DDIT4: variants seen among roughly 807,000 people sequenced by gnomAD.
DDIT4 encodes the protein DNA damage-inducible transcript 4 protein.
A neutral mutation model predicts 20.2 loss-of-function variants in DDIT4; 20 were observed. That is an observed-to-expected ratio of 0.99 (90% CI 0.70 to 1.44). The LOEUF (loss-of-function observed/expected upper bound fraction) is 1.44, where lower values mean the gene tolerates loss of function less well. Ranked by LOEUF, DDIT4 falls within the 40% of genes most tolerant of loss-of-function variation. The probability of loss-of-function intolerance (pLI) is 0.00; values close to 1 mark genes in which losing one functional copy is unlikely to be tolerated. For synonymous variants in DDIT4, 152 were observed against 144.6 expected (o/e 1.05, Z -0.37); for missense variants, 316 against 298.1 (o/e 1.06, Z -0.44).
At position 72,275,044 on chromosome 10, in the gene DDIT4, C is replaced by T; in HGVS notation, c.555C>T (p.Leu185=). 1.2e-6 allele frequency: 2 copies of T among 1,613,642 alleles called. No individual in the cohort carries two copies. The highest frequency in any genetic ancestry group is 1.7e-6 in the Non-Finnish European group (2 of 1,180,012). Reference sequence around the variant, plus strand: ...TCGTGCTGCGCCTGGACTCACGACTCTGGCCCAAGATCCAGGGGCTGTTTA... The same window carrying T: ...TCGTGCTGCGCCTGGACTCACGACTTTGGCCCAAGATCCAGGGGCTGTTTA... ...LTLVLRLDSR[L]WPKIQGLFSS... is the part of the protein sequence containing the mutation. Residue 185 remains leucine (L), a synonymous_variant, in exon 3 of 3, where the codon CTC becomes CTT. Transcript: ENST00000307365.
In DDIT4 at chr10:72,274,879, A is replaced by G. The variant is rs1860808758; in HGVS notation, c.390A>G (p.Glu130=). 4 of 1,613,292 alleles carry G rather than the reference A, an allele frequency of 2.5e-6. No homozygotes were observed. The highest frequency in any genetic ancestry group is 2.5e-6 in the Non-Finnish European group (3 of 1,179,972). The change falls in exon 3 of 3, where the codon GAA becomes GAG. Residue 130 remains glutamate, a synonymous_variant. Transcript: ENST00000307365. ...AGTTGGTAAGCCAGGTGGGCAAAGA[A>G]CTACTGCGCCTGGCCTACAGCGAGC... is the stretch of plus-strand genomic sequence containing the variant. ...PSQLVSQVGK[E]LLRLAYSEPC...
At position 72,274,927 on chromosome 10, in the gene DDIT4, G is replaced by A; in HGVS notation, c.438G>A (p.Leu146=). 1 of 1,612,522 alleles carries A rather than the reference G, an allele frequency of 6.2e-7. No homozygotes were observed. Among genetic ancestry groups the A allele is most frequent in the South Asian group, 1.1e-5 (1 of 91,060 alleles). The change falls in exon 3 of 3, where the codon CTG becomes CTA. Residue 146 remains leucine (L), a synonymous_variant. Coordinates refer to ENST00000307365, the MANE Select transcript of DDIT4 (RefSeq NM_019058.4). ...YSEPCGLRGA[L]LDVCVEQGKS... is the part of the protein sequence containing the mutation. ...AGCCGTGCGGCCTGCGGGGGGCGCT[G>A]CTGGACGTCTGCGTGGAGCAGGGCA...
In DDIT4 at chr10:72,275,430, C is replaced by A. The variant is rs760943369; in HGVS notation, c.*242C>A. The stretch of plus-strand genomic sequence containing the variant: ...CATGAAACAAAGGCTTAGGGGCCAA[C>A]AAGGCTTCCAGCTGGATGTGTGTGT... On this transcript the variant is annotated 3_prime_UTR_variant, in exon 3 of 3. Coordinates refer to ENST00000307365, the MANE Select transcript of DDIT4 (RefSeq NM_019058.4). The A allele has an allele frequency of 1.2e-4, 64 of 525,590 alleles. No homozygotes were observed. The highest frequency in any genetic ancestry group is 1.9e-4 in the Non-Finnish European group (57 of 294,662). The allele number at this position is 525,590 out of a possible 1,614,324, so 32.6% of individuals were successfully genotyped here.
At position 72,274,299 on chromosome 10, in the gene DDIT4, G is replaced by C; in HGVS notation, c.83G>C (p.Arg28Pro). 1.9e-6 allele frequency: 3 copies of C among 1,613,220 alleles called. No individual in the cohort carries two copies. Among genetic ancestry groups the C allele is most frequent in the Non-Finnish European group, 1.7e-6 (2 of 1,179,972 alleles). Reference protein sequence around the residue: ...SSLPRTPTPDRPPRSAWGSAT... With the variant: ...SSLPRTPTPDPPPRSAWGSAT... ...TTGCCCCGAACTCCCACCCCAGATC[G>C]GCCGCCGCGCTCAGCCTGGGGGTCG... The change falls in exon 2 of 3, where the codon CGG becomes CCG. Residue 28 changes from arginine (R) to proline (P), a missense_variant. Transcript: ENST00000307365.
Position 72,275,089 on chromosome 10 carries a change from C to T in DDIT4, c.600C>T (p.Phe200=), listed in dbSNP as rs60688331. 8.8e-4 allele frequency: 1,417 copies of T among 1,613,468 alleles called. 12 individuals carry two copies. The African/African-American group carries it at 0.017, about 19-fold the overall frequency. ...QGLFSSANSP[F]LPGFSQSLTL... ...TGTTTAGCTCCGCCAACTCTCCCTT[C>T]CTCCCTGGCTTCAGCCAGTCCCTGA... The change falls in exon 3 of 3, where the codon TTC becomes TTT. Residue 200 remains phenylalanine (F), a synonymous_variant. Transcript: ENST00000307365.
rs571948713 is a variant in DDIT4 at position 72,274,314 on chromosome 10, C to T, written c.98C>T (p.Ala33Val). 76 of 1,613,016 alleles carry T rather than the reference C, an allele frequency of 4.7e-5. No individual in the cohort carries two copies. The Admixed American group carries it at 1.2e-3, about 25-fold the overall frequency. Residue 33 changes from alanine to valine, a missense_variant, in exon 2 of 3, where the codon GCC becomes GTC. Physicochemically the swap from Ala to Val is moderately conservative, Grantham distance 64. Coordinates refer to ENST00000307365, the MANE Select transcript of DDIT4 (RefSeq NM_019058.4). ...ACCCCAGATCGGCCGCCGCGCTCAG[C>T]CTGGGGGTCGGCGACCCGGGAGGAG... ...TPTPDRPPRS[A>V]WGSATREEGF...
Position 72,274,820 on chromosome 10 carries a change from T to C in DDIT4, c.331T>C (p.Ser111Pro), listed in dbSNP as rs1486629937. ...QESLAQARLG[S>P]RRPARLLMPS... ...GAGCCTGGCCCAGGCGCGGCTGGGC[T>C]CTCGACGCCCTGCGCGCCTGCTGAT... The change falls in exon 3 of 3, where the codon TCT becomes CCT. Residue 111 changes from serine to proline, a missense_variant. Physicochemically the swap from Ser to Pro is moderately conservative, Grantham distance 74 (BLOSUM62 -1). Transcript: ENST00000307365. The C allele has an allele frequency of 6.2e-7, 1 of 1,613,502 alleles. No individual in the cohort carries two copies. Among genetic ancestry groups the C allele is most frequent in the Non-Finnish European group, 8.5e-7 (1 of 1,179,994 alleles).
At position 72,275,712 on chromosome 10, in the gene DDIT4, G is replaced by T; in HGVS notation, c.*524G>T. 1 of 154,808 alleles carries T rather than the reference G, an allele frequency of 6.5e-6. No homozygotes were observed. The highest frequency in any genetic ancestry group is 1.9e-4 in the South Asian group (1 of 5,366). The allele number at this position is 154,808 out of a possible 1,614,324, so 9.6% of individuals were successfully genotyped here. On this transcript the variant is annotated 3_prime_UTR_variant, in exon 3 of 3. Transcript: ENST00000307365. ...GGAGCATCACTACTGACCTGTTGTA[G>T]GCAGCTATCTTACAGACGCATGAAT...
chr10:72,275,209 A>G lies in DDIT4; in HGVS notation c.*21A>G, dbSNP rs1181836310. On this transcript the variant is annotated 3_prime_UTR_variant, in exon 3 of 3. Coordinates refer to ENST00000307365, the MANE Select transcript of DDIT4 (RefSeq NM_019058.4). ...GTTGAACTTCAACCTGAGGGGGCCG[A>G]CAGTGCCCTCCAAGACAGAGACGAC... is the stretch of plus-strand genomic sequence containing the variant. The G allele has an allele frequency of 1.9e-6, 3 of 1,594,600 alleles. No homozygotes were observed. The highest frequency in any genetic ancestry group is 1.3e-5 in the African/African-American group (1 of 74,614).
In DDIT4 at chr10:72,275,027, C is replaced by T. The variant is rs759451016; in HGVS notation, c.538C>T (p.Arg180Cys). The change falls in exon 3 of 3, where the codon CGC becomes TGC. Residue 180 changes from arginine to cysteine, a missense_variant. Coordinates refer to ENST00000307365, the MANE Select transcript of DDIT4 (RefSeq NM_019058.4). ...CACCTTCCAGCTGACCCTCGTGCTG[C>T]GCCTGGACTCACGACTCTGGCCCAA... is the stretch of plus-strand genomic sequence containing the variant. Reference protein sequence around the residue: ...VPTFQLTLVLRLDSRLWPKIQ... With the variant: ...VPTFQLTLVLCLDSRLWPKIQ... 6 of 1,613,534 alleles carry T rather than the reference C, an allele frequency of 3.7e-6. No individual in the cohort carries two copies. In the Admixed American group the frequency reaches 6.7e-5, roughly 18 times the overall value.
rs1217653980 is a variant in DDIT4 at position 72,275,326 on chromosome 10, G to C, written c.*138G>C. The C allele has an allele frequency of 8.4e-6, 8 of 949,748 alleles. No homozygotes were observed. Among genetic ancestry groups the C allele is most frequent in the Non-Finnish European group, 6.1e-6 (4 of 652,128 alleles). The allele number at this position is 949,748 out of a possible 1,614,324, so 58.8% of individuals were successfully genotyped here. A position where few individuals can be genotyped will look rare whatever the true frequency, so the allele number is the denominator to read the frequency against. The stretch of plus-strand genomic sequence containing the variant: ...GCAGCCACCTAAGGTGGAGGTGGGG[G>C]AATAGTGTTTCCCAGGAAGCTCATT... On this transcript the variant is annotated 3_prime_UTR_variant, in exon 3 of 3. Coordinates refer to ENST00000307365, the MANE Select transcript of DDIT4 (RefSeq NM_019058.4).
chr10:72,275,346 C>T lies in DDIT4; in HGVS notation c.*158C>T. 1 of 797,694 alleles carries T rather than the reference C, an allele frequency of 1.3e-6. No individual in the cohort carries two copies. The highest frequency in any genetic ancestry group is 1.7e-5 in the African/African-American group (1 of 57,656). 49.4% of individuals were successfully genotyped at this position (797,694 alleles called of 1,614,324 possible). The stretch of plus-strand genomic sequence containing the variant: ...TGGGGGAATAGTGTTTCCCAGGAAG[C>T]TCATTGAGTTGTGTGCGGGTGGCTG... On this transcript the variant is annotated 3_prime_UTR_variant, in exon 3 of 3. Coordinates refer to ENST00000307365, the MANE Select transcript of DDIT4 (RefSeq NM_019058.4).
intron 1 of DDIT4, 21 bp from the exon 2 acceptor site, chr10:72,274,136 G>T: frequency 8.9e-7 from 1 of 1,129,012 alleles, no homozygotes; most frequent in Non-Finnish European, 1.3e-6. Context: ...ACGCCTGGTC[G>T]GTCCCCCTCT....
chr10:72,274,140 CCCCTCTTGTCT>C lies in DDIT4; in HGVS notation c.-60-16_-60-6del. On this transcript the variant is annotated splice_region_variant and splice_polypyrimidine_tract_variant and intron_variant, in intron 1 of 2. Transcript: ENST00000307365. ...TCCCCAGACTGACGCCTGGTCGGTC[CCCCTCTTGTCT>C]TACAGCGGCTTCTACGCTCCGGCAC... 1 of 1,187,744 alleles carries C rather than the reference CCCCTCTTGTCT, an allele frequency of 8.4e-7. No homozygotes were observed. The highest frequency in any genetic ancestry group is 1.3e-6 in the Non-Finnish European group (1 of 797,740). The allele number at this position is 1,187,744 out of a possible 1,614,324, so 73.6% of individuals were successfully genotyped here.
At position 72,275,082 on chromosome 10, in the gene DDIT4, C is replaced by A; in HGVS notation, c.593C>A (p.Ser198Tyr). ...CAGGGGCTGTTTAGCTCCGCCAACT[C>A]TCCCTTCCTCCCTGGCTTCAGCCAG... is the stretch of plus-strand genomic sequence containing the variant. ...KIQGLFSSANSPFLPGFSQSL... is the reference protein window; with the variant it reads ...KIQGLFSSANYPFLPGFSQSL... The change falls in exon 3 of 3, where the codon TCT becomes TAT. Residue 198 changes from serine to tyrosine, a missense_variant. Physicochemically the swap from Ser to Tyr is moderately radical, Grantham distance 144. Coordinates refer to ENST00000307365, the MANE Select transcript of DDIT4 (RefSeq NM_019058.4). The A allele has an allele frequency of 1.2e-6, 2 of 1,613,462 alleles. No homozygotes were observed. Among genetic ancestry groups the A allele is most frequent in the Non-Finnish European group, 1.7e-6 (2 of 1,179,976 alleles).
In DDIT4 at chr10:72,274,706, C is replaced by T. The variant is rs781459130; in HGVS notation, c.217C>T (p.Leu73=). The part of the protein sequence containing the change: ...GFGPEEDTAY[L]DGVSLPDFEL... The stretch of plus-strand genomic sequence containing the variant: ...GCTCTCCTTTCCAGACACGGCTTAC[C>T]TGGATGGGGTGTCGTTGCCCGACTT... The change falls in exon 3 of 3, where the codon CTG becomes TTG. Residue 73 remains leucine, a synonymous_variant. Transcript: ENST00000307365. 9 of 1,609,906 alleles carry T rather than the reference C, an allele frequency of 5.6e-6. No homozygotes were observed. The highest frequency in any genetic ancestry group is 4.5e-5 in the East Asian group (2 of 44,796).
At position 72,275,026 on chromosome 10, in the gene DDIT4, G is replaced by C. The variant is rs1245262591; in HGVS notation, c.537G>C (p.Leu179=). 4 of 1,613,556 alleles carry C rather than the reference G, an allele frequency of 2.5e-6. No individual in the cohort carries two copies. The East Asian group carries it at 6.7e-5, about 27-fold the overall frequency. ...CCACCTTCCAGCTGACCCTCGTGCT[G>C]CGCCTGGACTCACGACTCTGGCCCA... ...LVPTFQLTLV[L]RLDSRLWPKI... Residue 179 remains leucine (L), a synonymous_variant, in exon 3 of 3, where the codon CTG becomes CTC. Coordinates refer to ENST00000307365, the MANE Select transcript of DDIT4 (RefSeq NM_019058.4).
At chr10:72,274,447 G>T in intron 2 of DDIT4, 26 bp downstream of exon 2, 2 of 1,527,180 alleles carry the variant, frequency 1.3e-6, no homozygotes, top group South Asian at 2.5e-5. Context: ...GTGCCGACGC[G>T]ACTCGAGGGG....
Position 72,274,950 on chromosome 10 carries a change from G to C in DDIT4, c.461G>C (p.Gly154Ala). Residue 154 changes from glycine (G) to alanine (A), a missense_variant, in exon 3 of 3, where the codon GGC becomes GCC. Transcript: ENST00000307365. ...GALLDVCVEQGKSCHSVGQLA... is the reference protein window; with the variant it reads ...GALLDVCVEQAKSCHSVGQLA... ...CTGCTGGACGTCTGCGTGGAGCAGG[G>C]CAAGAGCTGCCACAGCGTGGGCCAG... The C allele has an allele frequency of 6.2e-7, 1 of 1,612,544 alleles. No individual in the cohort carries two copies. The highest frequency in any genetic ancestry group is 8.5e-7 in the Non-Finnish European group (1 of 1,179,854).
Sources: allele counts gnomAD v4.1 joint callset, GRCh38; gene constraint gnomAD v4.1.1; transcripts MANE v1.5; gene names NCBI Gene and HGNC (gene_info 2026-07-23, HGNC 2026-07-21).